Variants in ST3GAL5 observed in about 807,000 individuals in gnomAD.
ST3GAL5 encodes lactosylceramide alpha-2,3-sialyltransferase.
ST3GAL5 carries 25 observed loss-of-function variants against 46.1 expected under a neutral mutation model. The observed-to-expected ratio is 0.54, with a 90% confidence interval of 0.40 to 0.76. The LOEUF (loss-of-function observed/expected upper bound fraction) is 0.76, where lower values mean the gene tolerates loss of function less well. Ranked by LOEUF, ST3GAL5 falls within the 30% of genes least tolerant of loss-of-function variation. The probability of loss-of-function intolerance (pLI) is 0.00; values close to 1 mark genes in which losing one functional copy is unlikely to be tolerated. For missense variants in ST3GAL5, 431 were observed against 521.2 expected, an observed-to-expected ratio of 0.83 and a Z score of 1.69; for synonymous variants, 182 against 192.7, an observed-to-expected ratio of 0.94 and a Z score of 0.46.
chr2:85,854,683 G>T (rs747031751), intron 3 of ST3GAL5: 1 of 152,192 alleles, frequency 6.6e-6, no homozygotes, highest in African/African-American at 2.4e-5. Context: ...TGTGATTCAA[G>T]TACTATCTCC....
intron 6 of ST3GAL5, 48 bp downstream of exon 6, chr2:85,844,348 T>C (rs773605467): frequency 2.2e-5 from 36 of 1,613,202 alleles, no homozygotes; most frequent in Non-Finnish European, 2.9e-5. Context: ...TTTGTACACA[T>C]CGCCCCTCAA....
At chr2:85,875,606 G>C (rs1054665353) in intron 1 of ST3GAL5, 1 of 152,114 alleles carries the variant, frequency 6.6e-6, no homozygotes, top group Non-Finnish European at 1.5e-5. Flanking sequence ...ATGCTAATAT[G>C]TTATAGCCAT....
intron 1 of ST3GAL5, chr2:85,870,062 C>T (rs1685750478): frequency 5.2e-6 from 2 of 386,134 alleles, no homozygotes; most frequent in African/African-American, 2.1e-5. Context: ...TACAGACATG[C>T]CCTACTTACC....
intron 3 of ST3GAL5, chr2:85,853,050 CA>C (rs1323778964): frequency 3.8e-6 from 5 of 1,304,222 alleles, no homozygotes; most frequent in Admixed American, 2.3e-5. Context: ...TCCATCTGGC[CA>C]TAATTAACTG....
At chr2:85,864,877 T>C (rs953768345) in intron 1 of ST3GAL5, among the ~76,000 whole-genome samples, 2 of 152,170 alleles carry the variant, frequency 1.3e-5, no homozygotes, top group African/African-American at 4.8e-5. Flanking sequence ...TTTTAGCCAA[T>C]GGGATATGAG....
At chr2:85,857,459 C>T (rs1573631199) in intron 3 of ST3GAL5, among the ~76,000 whole-genome samples, 1 of 151,168 alleles carries the variant, frequency 6.6e-6, no homozygotes, top group African/African-American at 2.4e-5. Flanking sequence ...ATCACTTGAA[C>T]CCAGGAGGTG....
intron 1 of ST3GAL5, among the ~76,000 whole-genome samples, chr2:85,880,379 A>G (rs560401177): frequency 6.6e-6 from 1 of 152,340 alleles, no homozygotes; most frequent in Non-Finnish European, 1.5e-5. Context: ...CATCTCTTTT[A>G]CTGTTGGCTC....
chr2:85,855,831 TG>T (rs1422710496), intron 3 of ST3GAL5: 1 of 152,180 alleles, frequency 6.6e-6, no homozygotes, highest in Admixed American at 6.5e-5. Flanking sequence ...ATACGGTCAA[TG>T]AGAGCACATG....
intron 1 of ST3GAL5, among the ~76,000 whole-genome samples, chr2:85,879,216 C>T (rs1437406191): frequency 2.0e-5 from 3 of 151,840 alleles, no homozygotes; most frequent in Non-Finnish European, 2.9e-5. Context: ...CCAGAAAGGC[C>T]GGAAGGTGGC....
chr2:85,876,182 G>A (rs1437514791), intron 1 of ST3GAL5, among the ~76,000 whole-genome samples: 4 of 152,182 alleles, frequency 2.6e-5, no homozygotes, highest in African/African-American at 9.7e-5. Context: ...GAAGTGCACT[G>A]ATCTCTGGGC....
chr2:85,847,711 C>T (rs1682973674), intron 4 of ST3GAL5, 150 bp downstream of exon 4: 1 of 1,340,510 alleles, frequency 7.5e-7, no homozygotes, highest in South Asian at 1.5e-5. Flanking sequence ...GGGAGGATCT[C>T]CTGAGCCTGG....
chr2:85,863,253 C>G, intron 2 of ST3GAL5, 109 bp downstream of exon 2: 3 of 1,585,574 alleles, frequency 1.9e-6, no homozygotes, highest in Admixed American at 1.7e-5. Context: ...TTTGACCAAG[C>G]ATGCCTCTCC....
At chr2:85,852,809 G>A (rs1209532883) in intron 3 of ST3GAL5, 111 of 1,164,948 alleles carry the variant, frequency 9.5e-5, no homozygotes, top group East Asian at 5.8e-4. Flanking sequence ...AACTAGCAGC[G>A]TCGTCTTTGT....
At chr2:85,881,966 T>C (rs2104234416) in intron 1 of ST3GAL5, among the ~76,000 whole-genome samples, 1 of 152,268 alleles carries the variant, frequency 6.6e-6, no homozygotes, top group African/African-American at 2.4e-5. Flanking sequence ...GAAAAAGTGG[T>C]TTCATGGGCT....
chr2:85,859,891 G>C (rs920052146), intron 3 of ST3GAL5, among the ~76,000 whole-genome samples: 12 of 152,154 alleles, frequency 7.9e-5, no homozygotes, highest in Admixed American at 7.9e-4. Context: ...TTTGAATTGG[G>C]TAAAACATTT....
chr2:85,888,475 A>C (rs1688019198), intron 1 of ST3GAL5: 1 of 173,180 alleles, frequency 5.8e-6, no homozygotes, highest in African/African-American at 2.4e-5. Context: ...AAACGAGTTA[A>C]CTCGGCTCTG....
chr2:85,858,276 C>G (rs562420504), intron 3 of ST3GAL5: 1 of 152,316 alleles, frequency 6.6e-6, no homozygotes, highest in East Asian at 1.9e-4. Flanking sequence ...GCCCCTGAGC[C>G]CCTCCCTGTC....
rs562582389 is a variant in ST3GAL5 at position 85,888,971 on chromosome 2, G to C, written c.-66C>G. ...CGCGCCCCCACCCGCCCCCAGCGCC[G>C]CTCTCGCGCCCATTCAGCTGGGGGC... On this transcript the variant is annotated 5_prime_UTR_variant, in exon 1 of 7. Transcript: ENST00000638572. 6.0e-5 allele frequency: 72 copies of C among 1,194,506 alleles called. No homozygotes were observed. In the South Asian group the frequency reaches 1.8e-3, roughly 30 times the overall value. The allele number at this position is 1,194,506 out of a possible 1,614,324, so 74.0% of individuals were successfully genotyped here. A position where few individuals can be genotyped will look rare whatever the true frequency, so the allele number is the denominator to read the frequency against.
chr2:85,844,762 C>T lies in ST3GAL5; in HGVS notation c.850-208G>A, dbSNP rs2280313. On this transcript the variant is annotated intron_variant, in intron 5 of 6. Coordinates refer to ENST00000638572, the MANE Select transcript of ST3GAL5 (RefSeq NM_003896.4). ...CTCTGAAATAGCCACTTCACACAGGCGGCACTGGACAAAGAGATGAATTGC... is the reference window on the plus strand; with the variant it reads ...CTCTGAAATAGCCACTTCACACAGGTGGCACTGGACAAAGAGATGAATTGC... The T allele has an allele frequency of 0.058, 36,107 of 627,896 alleles. 1,398 individuals carry two copies. The highest frequency in any genetic ancestry group is 0.15 in the East Asian group (5,282 of 35,320). 38.9% of individuals were successfully genotyped at this position (627,896 alleles called of 1,614,324 possible). A position where few individuals can be genotyped will look rare whatever the true frequency, so the allele number is the denominator to read the frequency against.
Sources: gnomAD v4.1 joint callset for allele counts (sites outside exome capture counted in the v4.1 genomes callset) on GRCh38, gnomAD v4.1.1 for gene constraint, MANE v1.5 for transcripts, NCBI Gene and HGNC (gene_info 2026-07-23, HGNC 2026-07-21) for gene names.